The following PTPRT variants were observed in gnomAD, a reference collection of about 807,000 sequenced individuals.
PTPRT encodes the protein receptor-type tyrosine-protein phosphatase T.
A neutral mutation model predicts 176.8 loss-of-function variants in PTPRT; 56 were observed. The observed-to-expected ratio is 0.32, with a 90% CI of 0.26 to 0.40. The LOEUF is 0.40. PTPRT is among the 10% of genes least tolerant of loss of function. The probability of loss-of-function intolerance (pLI) is 1.00; values close to 1 mark genes in which losing one functional copy is unlikely to be tolerated. For synonymous variants in PTPRT, 783 were observed against 739.0 expected, an observed-to-expected ratio of 1.06 and a Z score of -0.96; for missense variants, 1,540 against 1,908.2, an observed-to-expected ratio of 0.81 and a Z score of 3.60.
intron 12 of PTPRT, among the ~76,000 whole-genome samples, chr20:42,314,526 C>CAAAAAA (rs386393782): frequency 9.8e-6 from 1 of 102,308 alleles, no homozygotes. Flanking sequence ...GAGACTGTGT[C>CAAAAAA]AAAAAAAAAA....
In PTPRT at chr20:42,161,482, C is replaced by T. The variant is rs372056802; in HGVS notation, c.2552G>A (p.Arg851His). 1.8e-5 allele frequency: 29 copies of T among 1,613,806 alleles called. No homozygotes were observed. The highest frequency in any genetic ancestry group is 1.2e-4 in the African/African-American group (9 of 74,892). ...PTLTIQTHPY[R>H]TCDPVEMSYP... ...GCTCATCTCCACAGGGTCACAGGTG[C>T]GGTAGGGATGAGTCTGGATCGTGAG... Residue 851 changes from arginine (R) to histidine (H), a missense_variant, in exon 17 of 31, where the codon CGC becomes CAC. Physicochemically the swap from Arg to His is conservative, Grantham distance 29. Transcript: ENST00000373187.
intron 9 of PTPRT, among the ~76,000 whole-genome samples, chr20:42,388,387 G>A (rs999540454): frequency 1.2e-4 from 19 of 152,042 alleles, no homozygotes; most frequent in African/African-American, 3.6e-4. Context: ...CTGACAAAGC[G>A]CTAATATCCA....
At chr20:42,664,487 T>G (rs931789160) in intron 7 of PTPRT, among the ~76,000 whole-genome samples, 25 of 152,202 alleles carry the variant, frequency 1.6e-4, no homozygotes, top group African/African-American at 6.0e-4. Flanking sequence ...CTTTATTTTT[T>G]TCTAGTTTTG....
intron 1 of PTPRT, chr20:42,969,331 TG>T (rs1435375320): frequency 6.6e-6 from 1 of 152,200 alleles, no homozygotes; most frequent in Non-Finnish European, 1.5e-5. Context: ...GAGGGGGACC[TG>T]GGTTCTAAGA....
At chr20:42,780,815 T>C (rs1318410001) in intron 3 of PTPRT, among the ~76,000 whole-genome samples, 1 of 152,234 alleles carries the variant, frequency 6.6e-6, no homozygotes, top group Admixed American at 6.5e-5. Flanking sequence ...GCAATCTACC[T>C]GTTGGTATCC....
At chr20:42,653,003 A>G (rs2075059370) in intron 7 of PTPRT, among the ~76,000 whole-genome samples, 1 of 152,174 alleles carries the variant, frequency 6.6e-6, no homozygotes, top group East Asian at 1.9e-4. Flanking sequence ...CCCAGCAGAT[A>G]AATAAGACTA....
At chr20:42,401,021 G>A (rs1600960276) in intron 9 of PTPRT, among the ~76,000 whole-genome samples, 1 of 152,002 alleles carries the variant, frequency 6.6e-6, no homozygotes, top group Non-Finnish European at 1.5e-5. Flanking sequence ...TGGCTTGGGG[G>A]TGTTGGGTCT....
At chr20:42,373,835 C>T (rs947519650) in intron 9 of PTPRT, among the ~76,000 whole-genome samples, 2 of 152,192 alleles carry the variant, frequency 1.3e-5, no homozygotes, top group Non-Finnish European at 2.9e-5. Context: ...CCCTACAGTT[C>T]ATGAATCCCA....
chr20:42,913,192 G>C (rs1201243274), intron 1 of PTPRT, among the ~76,000 whole-genome samples: 1 of 152,204 alleles, frequency 6.6e-6, no homozygotes, highest in Non-Finnish European at 1.5e-5. Flanking sequence ...TTTCTGAGGA[G>C]TGTTATAACA....
intron 7 of PTPRT, among the ~76,000 whole-genome samples, chr20:42,579,053 C>G (rs2073322043): frequency 9.5e-6 from 1 of 105,424 alleles, no homozygotes; most frequent in Admixed American, 1.3e-4. Context: ...TGCTATCCCT[C>G]CCCCCTCCCC....
At chr20:43,118,684 C>T (rs1208042151) in intron 1 of PTPRT, among the ~76,000 whole-genome samples, 3 of 152,154 alleles carry the variant, frequency 2.0e-5, no homozygotes, top group Non-Finnish European at 4.4e-5. Context: ...GTGATCCACC[C>T]GCCTCAACCT....
chr20:42,986,858 G>C (rs1210269400), intron 1 of PTPRT, among the ~76,000 whole-genome samples: 1 of 152,170 alleles, frequency 6.6e-6, no homozygotes, highest in African/African-American at 2.4e-5. Context: ...TGTACAGTGG[G>C]GGCTTCTGTG....
At chr20:42,071,328 A>G (rs991585931), downstream of PTPRT, among the ~76,000 whole-genome samples, 1 of 152,214 alleles carries the variant, frequency 6.6e-6, no homozygotes, top group Admixed American at 6.5e-5. Flanking sequence ...TATGCATCCA[A>G]CTGAGAGGTT....
At chr20:42,055,419 G>A in the PTPRT span, among the ~76,000 whole-genome samples, 1 of 152,238 alleles carries the variant, frequency 6.6e-6, no homozygotes, top group Non-Finnish European at 1.5e-5. Flanking sequence ...TAGGTTTCAA[G>A]ATTCTCAGAG....
At chr20:42,335,579 T>A (rs1242294118) in intron 11 of PTPRT, among the ~76,000 whole-genome samples, 1 of 152,062 alleles carries the variant, frequency 6.6e-6, no homozygotes, top group Non-Finnish European at 1.5e-5. Flanking sequence ...AGAAAAAAAA[T>A]TCAAAGAACA....
intron 6 of PTPRT, among the ~76,000 whole-genome samples, chr20:42,708,492 G>A (rs1440124884): frequency 6.6e-6 from 1 of 152,024 alleles, no homozygotes; most frequent in Non-Finnish European, 1.5e-5. Context: ...TTCCACACAG[G>A]CCCTCCTTGT....
At chr20:43,107,044 C>T (rs777069184) in intron 1 of PTPRT, among the ~76,000 whole-genome samples, 16 of 152,284 alleles carry the variant, frequency 1.1e-4, no homozygotes, top group Non-Finnish European at 2.2e-4. Context: ...CCCGCCTCGG[C>T]CTCCCAAAGT....
chr20:42,494,096 G>GT lies in PTPRT; in HGVS notation c.1154-21535dup, dbSNP rs760722308. Among the ~76,000 whole-genome samples, 4 of 151,984 alleles carry GT rather than the reference G, an allele frequency of 2.6e-5. No individual in the cohort carries two copies. In the East Asian group the frequency reaches 5.8e-4, roughly 22 times the overall value. On this transcript the variant is annotated intron_variant, in intron 7 of 30. Coordinates refer to ENST00000373187, the MANE Select transcript of PTPRT (RefSeq NM_007050.6). ...ATCATCTCGACCCTTTCATCTACCT[G>GT]TTTTTTTCAGAGTAAAGAGAGAGAA...
At chr20:42,110,509 G>A in intron 22 of PTPRT, 22 bp from the exon 23 acceptor site, 1 of 1,572,134 alleles carries the variant, frequency 6.4e-7, no homozygotes, top group Non-Finnish European at 8.7e-7. Flanking sequence ...ACGGGCCTCT[G>A]TTCTTCCAGC....
Sources: allele counts gnomAD v4.1 joint callset (sites outside exome capture counted in the v4.1 genomes callset), GRCh38; gene constraint gnomAD v4.1.1; transcripts MANE v1.5; gene names NCBI Gene and HGNC (gene_info 2026-07-23, HGNC 2026-07-21).